CDH12: variants seen among roughly 807,000 people sequenced by gnomAD.
The protein encoded by CDH12 is cadherin-12.
A neutral mutation model predicts 74.1 loss-of-function variants in CDH12; 41 were observed. The ratio of observed to expected loss-of-function variants is 0.55; its 90% CI spans 0.43 to 0.72. CDH12 has a LOEUF of 0.72. Ranked by LOEUF, CDH12 falls within the 30% of genes least tolerant of loss-of-function variation. The probability of loss-of-function intolerance (pLI) is 0.00; values close to 1 mark genes in which losing one functional copy is unlikely to be tolerated. For missense variants in CDH12, 945 were observed against 977.2 expected (o/e 0.97, Z 0.44); for synonymous variants, 399 against 355.0 (o/e 1.12, Z -1.39).
At chr5:21,846,029 C>T (rs923093693) in intron 7 of CDH12, among the ~76,000 whole-genome samples, 3 of 152,088 alleles carry the variant, frequency 2.0e-5, no homozygotes, top group Non-Finnish European at 4.4e-5. Flanking sequence ...GCTCTGTCTT[C>T]CCTTTTCTTT....
At chr5:21,981,843 A>AT (rs934744242) in intron 5 of CDH12, among the ~76,000 whole-genome samples, 3 of 151,820 alleles carry the variant, frequency 2.0e-5, no homozygotes, top group Admixed American at 2.0e-4. Context: ...TAATTTTTCT[A>AT]TTTTTTTATT....
intron 1 of CDH12, among the ~76,000 whole-genome samples, chr5:22,671,399 A>G (rs561039302): frequency 6.6e-6 from 1 of 151,974 alleles, no homozygotes; most frequent in African/African-American, 2.4e-5. Context: ...CAGTAGATGG[A>G]AAATACAGTA....
intron 1 of CDH12, among the ~76,000 whole-genome samples, chr5:22,738,211 G>A (rs968569640): frequency 2.0e-5 from 3 of 151,990 alleles, no homozygotes; most frequent in African/African-American, 2.4e-5. Flanking sequence ...GGGCTGTCTC[G>A]TGGAGCAGAC....
At chr5:21,765,248 C>A (rs1293080640) in intron 11 of CDH12, 149 bp from the exon 12 acceptor site, 1 of 574,554 alleles carries the variant, frequency 1.7e-6, no homozygotes, top group Non-Finnish European at 2.8e-6. Context: ...GTTCCAACTA[C>A]AAGATGATAA....
Position 22,318,728 on chromosome 5 carries a change from T to C in CDH12, c.-333+86529A>G, listed in dbSNP as rs144455667. Among the ~76,000 whole-genome samples, 68 of 152,322 alleles carry C rather than the reference T, an allele frequency of 4.5e-4. No homozygotes were observed. In the East Asian group the frequency reaches 0.011, roughly 24 times the overall value. ...TGCCTTTAGAAAGAGTCTCTTTCAATTTGTCCTCTTCATCCAAACATGACA... is the reference window on the plus strand; with the variant it reads ...TGCCTTTAGAAAGAGTCTCTTTCAACTTGTCCTCTTCATCCAAACATGACA... On this transcript the variant is annotated intron_variant, in intron 3 of 14. Coordinates refer to ENST00000382254, the MANE Select transcript of CDH12 (RefSeq NM_004061.5).
intron 4 of CDH12, among the ~76,000 whole-genome samples, chr5:22,158,673 C>T (rs1748164684): frequency 6.6e-6 from 1 of 152,170 alleles, no homozygotes; most frequent in South Asian, 2.1e-4. Flanking sequence ...TAGCCGTGTA[C>T]ACCTTACTTT....
intron 6 of CDH12, among the ~76,000 whole-genome samples, chr5:21,855,502 T>C (rs1750707157): frequency 6.6e-6 from 1 of 151,708 alleles, no homozygotes; most frequent in South Asian, 2.1e-4. Context: ...CATATTGAAA[T>C]CAGTCTCTAA....
At chr5:21,978,492 G>A (rs554454552) in intron 5 of CDH12, among the ~76,000 whole-genome samples, 2 of 152,018 alleles carry the variant, frequency 1.3e-5, no homozygotes, top group African/African-American at 4.8e-5. Flanking sequence ...ATAACTGAAA[G>A]GGTAAATATA....
intron 2 of CDH12, among the ~76,000 whole-genome samples, chr5:22,487,040 C>A (rs1447506841): frequency 9.2e-5 from 2 of 21,724 alleles, no homozygotes; most frequent in South Asian, 8.8e-4. Flanking sequence ...TATATACATA[C>A]GGCTTTTTTT....
chr5:22,384,353 T>A (rs1225648501), intron 3 of CDH12, among the ~76,000 whole-genome samples: 1 of 149,852 alleles, frequency 6.7e-6, no homozygotes, highest in East Asian at 2.0e-4. Flanking sequence ...TGAAACCCCG[T>A]CTCTACTAAA....
intron 4 of CDH12, among the ~76,000 whole-genome samples, chr5:22,155,172 T>G (rs1400595733): frequency 6.6e-6 from 1 of 152,168 alleles, no homozygotes; most frequent in African/African-American, 2.4e-5. Context: ...TCTCTGCTTA[T>G]AGAAAGGCTC....
At chr5:22,002,722 C>T (rs888764223) in intron 5 of CDH12, among the ~76,000 whole-genome samples, 25 of 151,902 alleles carry the variant, frequency 1.6e-4, no homozygotes, top group African/African-American at 6.0e-4. Context: ...TGTCACATAT[C>T]TCCATAGCCT....
chr5:22,552,401 GAA>G (rs1300799195), intron 1 of CDH12, among the ~76,000 whole-genome samples: 2 of 150,502 alleles, frequency 1.3e-5, no homozygotes, highest in Non-Finnish European at 3.0e-5. Flanking sequence ...GGAGAAAAAT[GAA>G]AAGACACCTT....
intron 11 of CDH12, among the ~76,000 whole-genome samples, chr5:21,765,857 A>G (rs1744995222): frequency 1.3e-5 from 2 of 152,086 alleles, no homozygotes; most frequent in Non-Finnish European, 2.9e-5. Context: ...TCAATAAAGC[A>G]TAAAATAATG....
chr5:22,092,534 T>C (rs1285202439), intron 4 of CDH12, among the ~76,000 whole-genome samples: 1 of 152,058 alleles, frequency 6.6e-6, no homozygotes, highest in Non-Finnish European at 1.5e-5. Context: ...CATTAGTCAC[T>C]AGGAAAATGC....
chr5:22,290,445 G>A (rs1323306384), intron 3 of CDH12, among the ~76,000 whole-genome samples: 1 of 152,108 alleles, frequency 6.6e-6, no homozygotes, highest in Non-Finnish European at 1.5e-5. Flanking sequence ...AGAGGGATTA[G>A]AATGACAAAG....
chr5:22,595,996 T>C (rs1307406532), intron 1 of CDH12, among the ~76,000 whole-genome samples: 4 of 151,476 alleles, frequency 2.6e-5, no homozygotes, highest in Non-Finnish European at 5.9e-5. Context: ...TAGTCCCAGC[T>C]ACTCAGGAGG....
At chr5:22,635,867 T>C (rs1404566409) in intron 1 of CDH12, among the ~76,000 whole-genome samples, 4 of 152,080 alleles carry the variant, frequency 2.6e-5, no homozygotes, top group Non-Finnish European at 4.4e-5. Flanking sequence ...TCAGAGGAGA[T>C]TGTGCCCACT....
At chr5:22,597,750 A>T in intron 1 of CDH12, among the ~76,000 whole-genome samples, 1 of 152,216 alleles carries the variant, frequency 6.6e-6, no homozygotes, top group East Asian at 1.9e-4. Context: ...GAGTAAAAAA[A>T]TGTATGAATG....
Sources: gnomAD v4.1 joint callset for allele counts (sites outside exome capture counted in the v4.1 genomes callset) on GRCh38, gnomAD v4.1.1 for gene constraint, MANE v1.5 for transcripts, NCBI Gene and HGNC (gene_info 2026-07-23, HGNC 2026-07-21) for gene names.